CDK6: variants seen among roughly 807,000 people sequenced by gnomAD.
CDK6 encodes the protein cyclin-dependent kinase 6.
A neutral mutation model predicts 37.1 loss-of-function variants in CDK6; 6 were observed. The ratio of observed to expected loss-of-function variants is 0.16; its 90% CI spans 0.09 to 0.32. The LOEUF (loss-of-function observed/expected upper bound fraction) is 0.32, where lower values mean the gene tolerates loss of function less well. Among genes scored for constraint, CDK6 ranks in the 10% least tolerant of loss-of-function variants. The pLI, the probability that CDK6 is intolerant of heterozygous loss-of-function variation, is 1.00. For missense variants in CDK6, 224 were observed against 418.9 expected (o/e 0.53, Z 4.06); for synonymous variants, 160 against 161.3 (o/e 0.99, Z 0.06).
At chr7:92,641,603 GAACAT>G (rs1554398313) in intron 5 of CDK6, among the ~76,000 whole-genome samples, 3 of 152,006 alleles carry the variant, frequency 2.0e-5, no homozygotes, top group Non-Finnish European at 4.4e-5. Context: ...TTAAATGAAA[GAACAT>G]AATACATACT....
At position 92,800,389 on chromosome 7, in the gene CDK6, C is replaced by T. The variant is rs549896152; in HGVS notation, c.234-25558G>A. Among the ~76,000 whole-genome samples, 6 of 152,298 alleles carry T rather than the reference C, an allele frequency of 3.9e-5. No individual in the cohort carries two copies. The East Asian group carries it at 9.6e-4, about 24-fold the overall frequency. On this transcript the variant is annotated intron_variant, in intron 2 of 7. Coordinates refer to ENST00000424848, the MANE Select transcript of CDK6 (RefSeq NM_001145306.2). ...ACGATGTGTCTGTTTCTTTTCACATCGTTCTTCTCTTGTTTGGAGCCTCAT... is the reference window on the plus strand; with the variant it reads ...ACGATGTGTCTGTTTCTTTTCACATTGTTCTTCTCTTGTTTGGAGCCTCAT...
intron 2 of CDK6, among the ~76,000 whole-genome samples, chr7:92,825,213 A>G (rs1801279157): frequency 6.6e-6 from 1 of 152,120 alleles, no homozygotes. Flanking sequence ...AATATAACAG[A>G]TACTCATAAA....
chr7:92,775,224 T>A (rs544345043), intron 2 of CDK6, among the ~76,000 whole-genome samples: 2 of 152,346 alleles, frequency 1.3e-5, no homozygotes, highest in African/African-American at 4.8e-5. Flanking sequence ...AGAGATAGAT[T>A]GAGCATCCTT....
intron 4 of CDK6, among the ~76,000 whole-genome samples, chr7:92,705,262 G>A (rs1309656200): frequency 6.6e-6 from 1 of 152,122 alleles, no homozygotes; most frequent in East Asian, 1.9e-4. Flanking sequence ...AGTATACTGT[G>A]TACTTAGAAT....
At chr7:92,726,484 C>T (rs1301068291) in intron 3 of CDK6, among the ~76,000 whole-genome samples, 2 of 152,034 alleles carry the variant, frequency 1.3e-5, no homozygotes, top group African/African-American at 4.8e-5. Flanking sequence ...GATCACGGCT[C>T]CCTGCAGACT....
chr7:92,647,447 T>C (rs1413157004), intron 5 of CDK6, among the ~76,000 whole-genome samples: 1 of 152,026 alleles, frequency 6.6e-6, no homozygotes, highest in Non-Finnish European at 1.5e-5. Context: ...AGGAGGTGAG[T>C]GGGCAATGCT....
Position 92,772,803 on chromosome 7 carries a change from C to T in CDK6, c.369+1893G>A, listed in dbSNP as rs1489205192. Among the ~76,000 whole-genome samples, 4 of 152,214 alleles carry T rather than the reference C, an allele frequency of 2.6e-5. No individual in the cohort carries two copies. The East Asian group carries it at 7.7e-4, about 29-fold the overall frequency. On this transcript the variant is annotated intron_variant, in intron 3 of 7. Coordinates refer to ENST00000424848, the MANE Select transcript of CDK6 (RefSeq NM_001145306.2). ...AGTCTAGTAAACCACTCTGGCTTAT[C>T]AACATTTTAACTGCACAGATGCCTT...
chr7:92,803,399 C>T (rs950869473), intron 2 of CDK6, among the ~76,000 whole-genome samples: 1 of 152,102 alleles, frequency 6.6e-6, no homozygotes, highest in Non-Finnish European at 1.5e-5. Flanking sequence ...CAGAAATGCT[C>T]CCATGGAGCT....
intron 3 of CDK6, among the ~76,000 whole-genome samples, chr7:92,727,219 T>G (rs2116713765): frequency 6.6e-6 from 1 of 152,280 alleles, no homozygotes; most frequent in East Asian, 1.9e-4. Context: ...GCTGTTTTGT[T>G]AATACAAGGG....
At position 92,725,764 on chromosome 7, in the gene CDK6, C is replaced by T. The variant is rs2116710463; in HGVS notation, c.399G>A (p.Leu133=). The T allele has an allele frequency of 1.2e-6, 2 of 1,613,756 alleles. No individual in the cohort carries two copies. The highest frequency in any genetic ancestry group is 1.7e-6 in the Non-Finnish European group (2 of 1,179,830). Residue 133 remains leucine, a synonymous_variant, in exon 4 of 8, where the codon CTG becomes CTA. Transcript: ENST00000424848. ...KDMMFQLLRG[L]DFLHSHRVVH... The stretch of plus-strand genomic sequence containing the variant: ...CTACTCGGTGTGAATGAAGAAAGTC[C>T]AGACCTCGGAGAAGCTGAAACATCA...
At chr7:92,713,989 C>T (rs1798161635) in intron 4 of CDK6, among the ~76,000 whole-genome samples, 1 of 152,190 alleles carries the variant, frequency 6.6e-6, no homozygotes, top group African/African-American at 2.4e-5. Context: ...TATTTTACCA[C>T]CCACATATAC....
Position 92,758,671 on chromosome 7 carries a change from G to A in CDK6, c.369+16025C>T, listed in dbSNP as rs545319603. Among the ~76,000 whole-genome samples, 8 of 152,306 alleles carry A rather than the reference G, an allele frequency of 5.3e-5. No individual in the cohort carries two copies. In the South Asian group the frequency reaches 1.5e-3, roughly 28 times the overall value. On this transcript the variant is annotated intron_variant, in intron 3 of 7. Coordinates refer to ENST00000424848, the MANE Select transcript of CDK6 (RefSeq NM_001145306.2). ...ATAGTTTTTCTCCTAGTTCTGTGAA[G>A]AATGTCTTTGGTAGTTTAATAGGAA...
intron 5 of CDK6, among the ~76,000 whole-genome samples, chr7:92,663,043 G>C (rs1762160212): frequency 1.3e-5 from 2 of 152,144 alleles, no homozygotes; most frequent in Non-Finnish European, 1.5e-5. Flanking sequence ...AACAGAAGTA[G>C]AGAGTCAGCG....
rs1450715662 is a variant in CDK6 at position 92,611,370 on chromosome 7, C to T, written c.*3770G>A. On this transcript the variant is annotated 3_prime_UTR_variant, in exon 8 of 8. Transcript: ENST00000424848. ...ACTTTTAACATTATTTTTTCCTAGA[C>T]TCAACTATGCAATTAAAGCCTGCTT... 1 of 227,692 alleles carries T rather than the reference C, an allele frequency of 4.4e-6. No homozygotes were observed. The highest frequency in any genetic ancestry group is 1.8e-4 in the South Asian group (1 of 5,504). 14.1% of individuals were successfully genotyped at this position (227,692 alleles called of 1,614,324 possible).
chr7:92,651,880 A>G (rs1351695143), intron 5 of CDK6, among the ~76,000 whole-genome samples: 1 of 151,992 alleles, frequency 6.6e-6, no homozygotes, highest in African/African-American at 2.4e-5. Flanking sequence ...GGGGCACTCC[A>G]AGGAGGGGCT....
chr7:92,736,611 C>T (rs1585442569), intron 3 of CDK6, among the ~76,000 whole-genome samples: 1 of 152,294 alleles, frequency 6.6e-6, no homozygotes, highest in East Asian at 1.9e-4. Flanking sequence ...TGTACACCAG[C>T]TATAGCTCCA....
At chr7:92,632,984 C>T (rs1361493818) in intron 5 of CDK6, among the ~76,000 whole-genome samples, 1 of 143,756 alleles carries the variant, frequency 7.0e-6, no homozygotes, top group Non-Finnish European at 1.5e-5. Context: ...GCACCAATCC[C>T]AGGGCAGGAT....
chr7:92,811,696 A>AT (rs1267515696), intron 2 of CDK6, among the ~76,000 whole-genome samples: 1 of 152,118 alleles, frequency 6.6e-6, no homozygotes, highest in Non-Finnish European at 1.5e-5. Flanking sequence ...GAGATTCCTA[A>AT]TGGACTTAAT....
chr7:92,726,083 T>C (rs1044802085), intron 3 of CDK6, among the ~76,000 whole-genome samples: 3 of 152,186 alleles, frequency 2.0e-5, no homozygotes, highest in Non-Finnish European at 4.4e-5. Context: ...GCCAAACTGG[T>C]TTCAGTGGCT....
Sources: allele counts gnomAD v4.1 joint callset (sites outside exome capture counted in the v4.1 genomes callset), GRCh38; gene constraint gnomAD v4.1.1; transcripts MANE v1.5; gene names NCBI Gene and HGNC (gene_info 2026-07-23, HGNC 2026-07-21).